Variants in ZNF766 observed in about 807,000 individuals in gnomAD.
ZNF766 encodes the protein zinc finger protein 766.
ZNF766 carries 13 observed loss-of-function variants against 13.2 expected under a neutral mutation model. The ratio of observed to expected loss-of-function variants is 0.98; its 90% CI spans 0.64 to 1.56. The LOEUF (loss-of-function observed/expected upper bound fraction) is 1.56, where lower values mean the gene tolerates loss of function less well. Among genes scored for constraint, ZNF766 ranks in the 40% most tolerant of loss-of-function variants. The pLI is 0.00. For synonymous variants in ZNF766, 178 were observed against 187.6 expected, an observed-to-expected ratio of 0.95 and a Z score of 0.42; for missense variants, 521 against 552.2, an observed-to-expected ratio of 0.94 and a Z score of 0.57.
intron 1 of ZNF766, chr19:52,275,435 T>G (rs1342210913): frequency 1.3e-5 from 2 of 152,178 alleles, no homozygotes; most frequent in Non-Finnish European, 2.9e-5. Flanking sequence ...TTGGAATAAG[T>G]AAGCTTAGTT....
chr19:52,289,932 C>G, intron 3 of ZNF766, 134 bp from the exon 4 acceptor site: 1 of 832,972 alleles, frequency 1.2e-6, no homozygotes, highest in Non-Finnish European at 1.8e-6. Flanking sequence ...ACCTGGGAGG[C>G]GGAGCTTGCA....
chr19:52,290,702 G>T lies in ZNF766; in HGVS notation c.911G>T (p.Cys304Phe), dbSNP rs756370002. The T allele has an allele frequency of 6.2e-7, 1 of 1,613,850 alleles. No homozygotes were observed. The highest frequency in any genetic ancestry group is 8.5e-7 in the Non-Finnish European group (1 of 1,179,878). ...TREKPHKCNKCGKVYSSSSYL... is the reference protein window; with the variant it reads ...TREKPHKCNKFGKVYSSSSYL... ...GAGAAACCTCATAAATGTAACAAATGTGGCAAGGTTTATAGTAGCAGTTCA... is the reference window on the plus strand; with the variant it reads ...GAGAAACCTCATAAATGTAACAAATTTGGCAAGGTTTATAGTAGCAGTTCA... The change falls in exon 4 of 4, where the codon TGT becomes TTT. Residue 304 changes from cysteine to phenylalanine, a missense_variant. Coordinates refer to ENST00000439461, the MANE Select transcript of ZNF766 (RefSeq NM_001010851.3).
chr19:52,273,219 A>G (rs1429057074), intron 1 of ZNF766, among the ~76,000 whole-genome samples: 1 of 152,172 alleles, frequency 6.6e-6, no homozygotes, highest in Admixed American at 6.5e-5. Flanking sequence ...CATGCTGGCC[A>G]GGATGGTCTC....
intron 3 of ZNF766, among the ~76,000 whole-genome samples, chr19:52,289,398 C>T (rs969062982): frequency 6.6e-6 from 1 of 151,880 alleles, no homozygotes; most frequent in African/African-American, 2.4e-5. Context: ...GTGATCCGCC[C>T]ACCTCGCCCT....
chr19:52,279,766 T>G (rs537693259), intron 1 of ZNF766, among the ~76,000 whole-genome samples: 1 of 151,352 alleles, frequency 6.6e-6, no homozygotes, highest in African/African-American at 2.4e-5. Context: ...TTTCTATGTT[T>G]TTTTTTTCAT....
chr19:52,277,539 C>T (rs1219519259), intron 1 of ZNF766: 1 of 1,571,684 alleles, frequency 6.4e-7, no homozygotes, highest in Non-Finnish European at 8.6e-7. Context: ...GCCACTTACT[C>T]AGGTAAAGTG....
At chr19:52,286,514 G>A (rs779890740) in intron 3 of ZNF766, among the ~76,000 whole-genome samples, 1 of 151,998 alleles carries the variant, frequency 6.6e-6, no homozygotes, top group Admixed American at 6.6e-5. Context: ...GAGCTCAAGC[G>A]ATCCTCCCGC....
rs758281013 is a variant in ZNF766, at chr19:52,281,915, T to C, written c.19-196T>C. 1.7e-5 allele frequency: 11 copies of C among 658,402 alleles called. No individual in the cohort carries two copies. The African/African-American group carries it at 2.0e-4, about 12-fold the overall frequency. 40.8% of individuals were successfully genotyped at this position (658,402 alleles called of 1,614,324 possible). A position where few individuals can be genotyped will look rare whatever the true frequency, so the allele number is the denominator to read the frequency against. On this transcript the variant is annotated intron_variant, in intron 1 of 3. Transcript: ENST00000439461. ...AAAATCTACACTAGTTTAAAGAATA[T>C]CATAACTTTTTATGGAAAAGTATAA...
chr19:52,290,281 CAT>C lies in ZNF766; in HGVS notation c.492_493del (p.His164GlnfsTer3), dbSNP rs1211259119. 3.1e-6 allele frequency: 5 copies of C among 1,613,768 alleles called. No individual in the cohort carries two copies. The highest frequency in any genetic ancestry group is 4.2e-6 in the Non-Finnish European group (5 of 1,179,776). Reference sequence around the variant, plus strand: ...GGTCAAAACCCACATATTTAATAAACATAGGAATGATTTTGTTGATTTTCCAT... The same window carrying C: ...GGTCAAAACCCACATATTTAATAAACAGGAATGATTTTGTTGATTTTCCAT... ...SGVKTHIFNK[H>X]RNDFVDFPLL... On this transcript the variant is annotated frameshift_variant, in exon 4 of 4. Coordinates refer to ENST00000439461, the MANE Select transcript of ZNF766 (RefSeq NM_001010851.3). LOFTEE classifies it low-confidence loss of function (END_TRUNC).
chr19:52,289,352 A>G (rs1981994648), intron 3 of ZNF766, among the ~76,000 whole-genome samples: 1 of 150,138 alleles, frequency 6.7e-6, no homozygotes, highest in South Asian at 2.1e-4. Context: ...GGGTTTCACC[A>G]TTTTGGCCAG....
At position 52,269,592 on chromosome 19, in the gene ZNF766, C is replaced by T. The variant is rs757710826; in HGVS notation, c.-22C>T. Reference sequence around the variant, plus strand: ...GTTCGCGCGCAGCCGCCTGCAGACCCGGAAGTGGATGGCGTGGAGATATGG... The same window carrying T: ...GTTCGCGCGCAGCCGCCTGCAGACCTGGAAGTGGATGGCGTGGAGATATGG... On this transcript the variant is annotated 5_prime_UTR_variant, in exon 1 of 4. Coordinates refer to ENST00000439461, the MANE Select transcript of ZNF766 (RefSeq NM_001010851.3). 6.2e-7 allele frequency: 1 copy of T among 1,611,924 alleles called. No homozygotes were observed. The highest frequency in any genetic ancestry group is 8.5e-7 in the Non-Finnish European group (1 of 1,179,560).
rs1432292549 is a variant in ZNF766, at chr19:52,291,175, C to G, written c.1384C>G (p.His462Asp). 3 of 1,579,106 alleles carry G rather than the reference C, an allele frequency of 1.9e-6. No homozygotes were observed. Among genetic ancestry groups the G allele is most frequent in the Non-Finnish European group, 2.6e-6 (3 of 1,163,072 alleles). ...GTTTGTACAGCATCAGAGAAGTGTT[C>G]ATGAGAGAGTCCTTACAAACTGAGT... Reference protein sequence around the residue: ...SWFVQHQRSVHERVLTN With the variant: ...SWFVQHQRSVDERVLTN The change falls in exon 4 of 4, where the codon CAT becomes GAT. Residue 462 changes from histidine to aspartate, a missense_variant. His to Asp is a moderately conservative substitution (Grantham distance 81). Coordinates refer to ENST00000439461, the MANE Select transcript of ZNF766 (RefSeq NM_001010851.3).
chr19:52,283,858 C>G (rs973672078), intron 3 of ZNF766, among the ~76,000 whole-genome samples: 5 of 152,218 alleles, frequency 3.3e-5, no homozygotes, highest in African/African-American at 7.2e-5. Context: ...CTGCCTCAAC[C>G]TCCCAAGTAG....
chr19:52,282,115 A>G lies in ZNF766; in HGVS notation c.23A>G (p.His8Arg). Residue 8 changes from histidine to arginine, a missense_variant, in exon 2 of 4, where the codon CAC becomes CGC. By Grantham distance (29) the His-to-Arg change is conservative. Transcript: ENST00000439461. ...CAAATACATCTTTTATTTTAGGGAC[A>G]CTTGACATTCAGGGACGTGGCCATA... Reference protein sequence around the residue: MAQLRRGHLTFRDVAIEF... With the variant: MAQLRRGRLTFRDVAIEF... 1.2e-6 allele frequency: 2 copies of G among 1,600,694 alleles called. No homozygotes were observed. The highest frequency in any genetic ancestry group is 1.3e-5 in the African/African-American group (1 of 74,622).
chr19:52,280,336 A>G (rs970445320), intron 1 of ZNF766, among the ~76,000 whole-genome samples: 1 of 152,158 alleles, frequency 6.6e-6, no homozygotes, highest in African/African-American at 2.4e-5. Flanking sequence ...CCCAACCTGG[A>G]CAACATAGCA....
In ZNF766 at chr19:52,292,204, G is replaced by A; in HGVS notation, c.*1006G>A. 1.4e-6 allele frequency: 1 copy of A among 702,588 alleles called. No individual in the cohort carries two copies. The highest frequency in any genetic ancestry group is 2.0e-5 in the Admixed American group (1 of 49,944). 43.5% of individuals were successfully genotyped at this position (702,588 alleles called of 1,614,324 possible). ...TAAGATGACAGGGCTGACTTCATTA[G>A]ATGAGGAGCGTTTCTATCCAGTTTC... On this transcript the variant is annotated 3_prime_UTR_variant, in exon 4 of 4. Coordinates refer to ENST00000439461, the MANE Select transcript of ZNF766 (RefSeq NM_001010851.3).
intron 1 of ZNF766, 38 bp downstream of exon 1, chr19:52,269,669 C>T (rs201298125): frequency 1.2e-6 from 2 of 1,611,042 alleles, no homozygotes; most frequent in African/African-American, 1.3e-5. Context: ...GTTCGCTTAG[C>T]GGTGCCCTCA....
chr19:52,292,357 C>T lies in ZNF766; in HGVS notation c.*1159C>T, dbSNP rs745533223. The T allele has an allele frequency of 6.2e-5, 37 of 600,896 alleles. No individual in the cohort carries two copies. The highest frequency in any genetic ancestry group is 9.5e-5 in the Non-Finnish European group (32 of 337,774). The allele number at this position is 600,896 out of a possible 1,614,324, so 37.2% of individuals were successfully genotyped here. A position where few individuals can be genotyped will look rare whatever the true frequency, so the allele number is the denominator to read the frequency against. Reference sequence around the variant, plus strand: ...TTATTGCAGTTAGCACACACTTTTCCTGACAGGCACAGTGCTGCTGTGCTC... The same window carrying T: ...TTATTGCAGTTAGCACACACTTTTCTTGACAGGCACAGTGCTGCTGTGCTC... On this transcript the variant is annotated 3_prime_UTR_variant, in exon 4 of 4. Coordinates refer to ENST00000439461, the MANE Select transcript of ZNF766 (RefSeq NM_001010851.3).
In ZNF766 at chr19:52,294,599, G is replaced by A. The variant is rs1982274741; in HGVS notation, c.*3401G>A. The A allele has an allele frequency of 6.6e-6, 1 of 152,198 alleles. No individual in the cohort carries two copies. Among genetic ancestry groups the A allele is most frequent in the African/African-American group, 2.4e-5 (1 of 41,434 alleles). The allele number at this position is 152,198 out of a possible 1,614,324, so 9.4% of individuals were successfully genotyped here. A position where few individuals can be genotyped will look rare whatever the true frequency, so the allele number is the denominator to read the frequency against. ...TGCCCACTTGTGGTTTGAACTTTCA[G>A]CTGGTGCCAAAGGAGTGGGCACTGA... On this transcript the variant is annotated 3_prime_UTR_variant, in exon 4 of 4. Transcript: ENST00000439461.
Sources: allele counts gnomAD v4.1 joint callset (sites outside exome capture counted in the v4.1 genomes callset), GRCh38; gene constraint gnomAD v4.1.1; transcripts MANE v1.5; gene names NCBI Gene and HGNC (gene_info 2026-07-23, HGNC 2026-07-21).